Variants in CHD2 observed in about 807,000 individuals in gnomAD.
CHD2 encodes the protein chromodomain helicase DNA binding protein 2, also known as ATP-dependent chromatin remodeler CHD2.
A neutral mutation model predicts 243.9 loss-of-function variants in CHD2; 28 were observed. That is an observed-to-expected ratio of 0.11 (90% CI 0.09 to 0.16). CHD2 has a LOEUF of 0.16. CHD2 is among the 10% of genes least tolerant of loss of function. CHD2 has a pLI of 1.00. For synonymous variants in CHD2, 775 were observed against 779.0 expected (o/e 0.99, Z 0.09); for missense variants, 1,386 against 2,209.8 (o/e 0.63, Z 7.47).
At position 92,993,301 on chromosome 15, in the gene CHD2, C is replaced by A; in HGVS notation, c.3595+303C>A. ...AAACCCAGGGGCAGAGCTTGGTGGA[C>A]ACCTCTGTATTTTGGCTGCAAATAA... is the stretch of plus-strand genomic sequence containing the variant. On this transcript the variant is annotated intron_variant, in intron 28 of 38. Transcript: ENST00000394196. 6 of 292,910 alleles carry A rather than the reference C, an allele frequency of 2.0e-5. No individual in the cohort carries two copies. In the South Asian group the frequency reaches 2.6e-4, roughly 13 times the overall value. 18.1% of individuals were successfully genotyped at this position (292,910 alleles called of 1,614,324 possible).
chr15:92,936,051 T>A (rs1011843705), intron 5 of CHD2, among the ~76,000 whole-genome samples: 8 of 152,070 alleles, frequency 5.3e-5, no homozygotes, highest in Non-Finnish European at 8.8e-5. Flanking sequence ...GGGAAATGCA[T>A]ATGGAAACAC....
Position 92,951,667 on chromosome 15 carries a change from A to G in CHD2, c.1503-1690A>G, listed in dbSNP as rs7176507. Among the ~76,000 whole-genome samples the G allele has an allele frequency of 3.4e-3, 521 of 152,322 alleles. 2 individuals carry two copies. Among genetic ancestry groups the G allele is most frequent in the Middle Eastern group, 6.8e-3 (2 of 294 alleles). Reference sequence around the variant, plus strand: ...ATGGCATTTTCTAGGGGCAGGAAATACTGGAGAAACTTAACTGTGCTTCCT... The same window carrying G: ...ATGGCATTTTCTAGGGGCAGGAAATGCTGGAGAAACTTAACTGTGCTTCCT... On this transcript the variant is annotated intron_variant, in intron 13 of 38. Transcript: ENST00000394196.
At chr15:92,902,952 AC>A (rs1443715249) in intron 2 of CHD2, among the ~76,000 whole-genome samples, 1 of 152,186 alleles carries the variant, frequency 6.6e-6, no homozygotes, top group Non-Finnish European at 1.5e-5. Context: ...CTGGAAAACT[AC>A]CTGGAAGTTG....
chr15:92,953,044 C>T (rs2053574775), intron 13 of CHD2, among the ~76,000 whole-genome samples: 1 of 152,182 alleles, frequency 6.6e-6, no homozygotes, highest in South Asian at 2.1e-4. Flanking sequence ...TTTTACAAAG[C>T]CTGTCTTCTC....
chr15:92,936,517 T>C (rs553071205), intron 5 of CHD2, among the ~76,000 whole-genome samples: 1 of 152,302 alleles, frequency 6.6e-6, no homozygotes, highest in African/African-American at 2.4e-5. Context: ...CTAAAACTGT[T>C]TGGGATAGTA....
At chr15:92,987,829 C>T (rs746732184) in intron 26 of CHD2, among the ~76,000 whole-genome samples, 8 of 150,558 alleles carry the variant, frequency 5.3e-5, no homozygotes, top group Non-Finnish European at 1.2e-4. Flanking sequence ...ATATAATATA[C>T]CATTTTAATT....
intron 32 of CHD2, among the ~76,000 whole-genome samples, chr15:93,001,827 T>C (rs747786717): frequency 6.6e-6 from 1 of 152,222 alleles, no homozygotes; most frequent in Non-Finnish European, 1.5e-5. Context: ...AATACATACG[T>C]ACATTTAAAT....
intron 2 of CHD2, among the ~76,000 whole-genome samples, chr15:92,909,616 G>A (rs11856160): frequency 0.84 from 127,225 of 152,048 alleles, 53,465 homozygotes; most frequent in East Asian, 1. Flanking sequence ...TACACAGTGC[G>A]GTGCTGCAAT....
chr15:92,931,341 AC>A (rs1175421048), intron 5 of CHD2, among the ~76,000 whole-genome samples: 1 of 152,202 alleles, frequency 6.6e-6, no homozygotes, highest in African/African-American at 2.4e-5. Flanking sequence ...TATATACTTT[AC>A]CCAGATTACC....
At chr15:93,021,252 T>C (rs981942816) in intron 38 of CHD2, 1 of 152,164 alleles carries the variant, frequency 6.6e-6, no homozygotes, top group African/African-American at 2.4e-5. Context: ...CTTGCATTGT[T>C]TTGTGATGAA....
chr15:92,980,457 C>T (rs2053965211), intron 22 of CHD2, among the ~76,000 whole-genome samples: 1 of 152,122 alleles, frequency 6.6e-6, no homozygotes, highest in South Asian at 2.1e-4. Flanking sequence ...AAAAGCCTAG[C>T]TCTTTTATTT....
chr15:92,953,209 G>A (rs2053577037), intron 13 of CHD2, 148 bp from the exon 14 acceptor site: 2 of 639,774 alleles, frequency 3.1e-6, no homozygotes, highest in South Asian at 2.0e-5. Context: ...TGAAGTAATT[G>A]CAGATGAGAA....
intron 33 of CHD2, among the ~76,000 whole-genome samples, chr15:93,003,315 A>G (rs2054280861): frequency 6.6e-6 from 1 of 151,908 alleles, no homozygotes; most frequent in East Asian, 1.9e-4. Context: ...ATCATTTTTA[A>G]TAGTTGGGGA....
At chr15:92,956,328 A>G (rs1033701103) in intron 15 of CHD2, 131 bp from the exon 16 acceptor site, 1 of 665,070 alleles carries the variant, frequency 1.5e-6, no homozygotes, top group Non-Finnish European at 2.5e-6. Context: ...CCTAATATAT[A>G]TTGTCAGTGA....
intron 34 of CHD2, 62 bp from the exon 35 acceptor site, chr15:93,009,083 G>T: frequency 1.3e-6 from 2 of 1,557,490 alleles, no homozygotes; most frequent in South Asian, 1.2e-5. Context: ...AGCACAGTAA[G>T]CAAAGGACAA....
chr15:92,985,763 A>T (rs2054034331), intron 26 of CHD2, 90 bp downstream of exon 26: 1 of 1,366,404 alleles, frequency 7.3e-7, no homozygotes, highest in African/African-American at 1.4e-5. Flanking sequence ...GTGACAGGGT[A>T]GGCAGAGGCT....
chr15:92,929,102 C>T lies in CHD2; in HGVS notation c.443+11C>T. On this transcript the variant is annotated intron_variant, in intron 5 of 38. Transcript: ENST00000394196. Reference sequence around the variant, plus strand: ...GCAGCTGAAAAAACAGTAAGTCTTTCATGGGGGAAATTATTCAATCTAGTA... The same window carrying T: ...GCAGCTGAAAAAACAGTAAGTCTTTTATGGGGGAAATTATTCAATCTAGTA... 6.3e-7 allele frequency: 1 copy of T among 1,597,452 alleles called. No homozygotes were observed.
At chr15:92,945,912 A>G (rs945781458) in intron 11 of CHD2, 47 bp downstream of exon 11, 5 of 1,498,718 alleles carry the variant, frequency 3.3e-6, no homozygotes, top group African/African-American at 2.8e-5. Flanking sequence ...ATTTCAGAAC[A>G]GTGTATGTTT....
chr15:93,026,432 C>G lies in CHD2; in HGVS notation c.*1727C>G, dbSNP rs1342594264. 1.3e-5 allele frequency: 2 copies of G among 152,264 alleles called. No homozygotes were observed. Among genetic ancestry groups the G allele is most frequent in the African/African-American group, 4.8e-5 (2 of 41,458 alleles). The allele number at this position is 152,264 out of a possible 1,614,324, so 9.4% of individuals were successfully genotyped here. On this transcript the variant is annotated 3_prime_UTR_variant, in exon 39 of 39. Transcript: ENST00000394196. ...TTGCTCCCTGCTACACAGAGCATCG[C>G]AGGGCTGGCCTGTGTGGTTTCCAGA... is the stretch of plus-strand genomic sequence containing the variant.
Sources: gnomAD v4.1 joint callset for allele counts (sites outside exome capture counted in the v4.1 genomes callset) on GRCh38, gnomAD v4.1.1 for gene constraint, MANE v1.5 for transcripts, NCBI Gene and HGNC (gene_info 2026-07-23, HGNC 2026-07-21) for gene names.